Variants in SYT1 observed in about 807,000 individuals in gnomAD.
SYT1 encodes synaptotagmin-1.
SYT1 carries 8 observed loss-of-function variants against 44.8 expected under a neutral mutation model. The ratio of observed to expected loss-of-function variants is 0.18; its 90% confidence interval spans 0.10 to 0.32. The LOEUF (loss-of-function observed/expected upper bound fraction) is 0.32. SYT1 is among the 10% of genes least tolerant of loss of function. The pLI is 1.00. For missense variants in SYT1, 286 were observed against 509.3 expected, an observed-to-expected ratio of 0.56 and a Z score of 4.22; for synonymous variants, 154 against 188.8, an observed-to-expected ratio of 0.82 and a Z score of 1.51.
At chr12:79,262,902 A>G (rs994379707) in intron 4 of SYT1, among the ~76,000 whole-genome samples, 1 of 152,194 alleles carries the variant, frequency 6.6e-6, no homozygotes. Flanking sequence ...GCAGCTCACA[A>G]AAAAGATAGA....
At chr12:79,389,366 A>G (rs1884564647) in intron 9 of SYT1, among the ~76,000 whole-genome samples, 1 of 152,186 alleles carries the variant, frequency 6.6e-6, no homozygotes, top group Non-Finnish European at 1.5e-5. Context: ...CCTAAATTAA[A>G]TAATACACCC....
chr12:79,049,041 G>A (rs140230192), intron 3 of SYT1, among the ~76,000 whole-genome samples: 26 of 151,938 alleles, frequency 1.7e-4, no homozygotes, highest in African/African-American at 6.3e-4. Flanking sequence ...TGACAGGACT[G>A]ACATAAGCTC....
At chr12:79,163,942 TG>T (rs1871099539) in intron 3 of SYT1, among the ~76,000 whole-genome samples, 1 of 152,232 alleles carries the variant, frequency 6.6e-6, no homozygotes, top group East Asian at 1.9e-4. Context: ...TCAATCAGGC[TG>T]TTGGTAGGAT....
At chr12:79,401,870 T>C (rs1885081718) in intron 9 of SYT1, among the ~76,000 whole-genome samples, 1 of 152,000 alleles carries the variant, frequency 6.6e-6, no homozygotes, top group Non-Finnish European at 1.5e-5. Flanking sequence ...GGTCTTGCTA[T>C]GTTGCCCAGG....
chr12:79,324,326 T>C (rs1042989834), intron 8 of SYT1, among the ~76,000 whole-genome samples: 6 of 152,170 alleles, frequency 3.9e-5, no homozygotes, highest in African/African-American at 1.4e-4. Flanking sequence ...CAAATGACCG[T>C]GCTTTCAGAA....
At chr12:78,932,819 A>C (rs894860156) in intron 1 of SYT1, among the ~76,000 whole-genome samples, 8 of 152,220 alleles carry the variant, frequency 5.3e-5, no homozygotes, top group Non-Finnish European at 8.8e-5. Context: ...GAGGGAGTCC[A>C]TTCTACTAAG....
intron 4 of SYT1, among the ~76,000 whole-genome samples, chr12:79,246,615 A>G (rs1018263965): frequency 6.6e-6 from 1 of 152,208 alleles, no homozygotes; most frequent in Admixed American, 6.5e-5. Flanking sequence ...GGCAGGTGGA[A>G]GAGCAAAGGG....
chr12:78,943,240 GA>G (rs1228968241), intron 1 of SYT1, among the ~76,000 whole-genome samples: 1 of 152,098 alleles, frequency 6.6e-6, no homozygotes, highest in Admixed American at 6.5e-5. Flanking sequence ...CTATAAAGAA[GA>G]ACCTGATAGT....
intron 8 of SYT1, among the ~76,000 whole-genome samples, chr12:79,334,719 A>G (rs947487943): frequency 6.6e-6 from 1 of 152,156 alleles, no homozygotes; most frequent in Non-Finnish European, 1.5e-5. Flanking sequence ...CTTTGATAAT[A>G]CTTTCATCAT....
intron 3 of SYT1, among the ~76,000 whole-genome samples, chr12:79,151,288 G>T (rs1002866190): frequency 6.6e-6 from 1 of 152,156 alleles, no homozygotes; most frequent in East Asian, 1.9e-4. Flanking sequence ...AGATTATAAA[G>T]TTCCATATTT....
At chr12:79,040,823 G>A (rs1400451095) in intron 2 of SYT1, among the ~76,000 whole-genome samples, 3 of 148,858 alleles carry the variant, frequency 2.0e-5, no homozygotes, top group African/African-American at 7.5e-5. Context: ...AAGGGATCCA[G>A]TTTCAGCTTT....
At chr12:79,333,458 A>G (rs557113876) in intron 8 of SYT1, among the ~76,000 whole-genome samples, 2 of 152,294 alleles carry the variant, frequency 1.3e-5, no homozygotes, top group Admixed American at 6.5e-5. Context: ...AGACACAAAC[A>G]TTCACAGCAC....
At chr12:79,055,860 T>C (rs1287189511) in intron 3 of SYT1, among the ~76,000 whole-genome samples, 1 of 152,038 alleles carries the variant, frequency 6.6e-6, no homozygotes, top group Non-Finnish European at 1.5e-5. Context: ...TGACATCTTT[T>C]AAATTATAAA....
chr12:79,356,862 A>C (rs1235146490), intron 9 of SYT1, among the ~76,000 whole-genome samples: 3 of 152,224 alleles, frequency 2.0e-5, no homozygotes, highest in Admixed American at 2.0e-4. Flanking sequence ...TATTGTAGTC[A>C]TTTCTATTAG....
intron 1 of SYT1, among the ~76,000 whole-genome samples, chr12:78,958,605 G>A (rs2137326569): frequency 6.6e-6 from 1 of 151,888 alleles, no homozygotes; most frequent in African/African-American, 2.4e-5. Flanking sequence ...TAAAGCATGA[G>A]AATCACTTGA....
chr12:79,104,914 A>G (rs1878627179), intron 3 of SYT1, among the ~76,000 whole-genome samples: 1 of 151,974 alleles, frequency 6.6e-6, no homozygotes, highest in Admixed American at 6.6e-5. Context: ...AAGGAAATAG[A>G]TTTATTAGAG....
chr12:78,929,524 A>G (rs1205928463), intron 1 of SYT1, among the ~76,000 whole-genome samples: 1 of 145,984 alleles, frequency 6.9e-6, no homozygotes, highest in East Asian at 2.1e-4. Flanking sequence ...TTCACAATTT[A>G]TGTAGTGTTT....
chr12:79,183,922 A>G (rs1360621367), intron 3 of SYT1, among the ~76,000 whole-genome samples: 2 of 152,046 alleles, frequency 1.3e-5, no homozygotes, highest in Non-Finnish European at 2.9e-5. Context: ...ATTCCTTTGC[A>G]GTGTGTTTGT....
chr12:79,234,412 C>T (rs865922037), intron 4 of SYT1, among the ~76,000 whole-genome samples: 2 of 152,214 alleles, frequency 1.3e-5, no homozygotes, highest in South Asian at 2.1e-4. Flanking sequence ...TTCTAGCAAT[C>T]GCTGCCCTGC....
Sources: allele counts gnomAD v4.1 joint callset (sites outside exome capture counted in the v4.1 genomes callset), GRCh38; gene constraint gnomAD v4.1.1; transcripts MANE v1.5; gene names NCBI Gene and HGNC (gene_info 2026-07-23, HGNC 2026-07-21).